PTPRR: variants seen among roughly 807,000 people sequenced by gnomAD.
PTPRR encodes the protein receptor-type tyrosine-protein phosphatase R.
A neutral mutation model predicts 77.2 loss-of-function variants in PTPRR; 38 were observed. That is an observed-to-expected ratio of 0.49 (90% CI 0.38 to 0.65). The LOEUF (loss-of-function observed/expected upper bound fraction) is 0.65, where lower values mean the gene tolerates loss of function less well. PTPRR is among the 30% of genes least tolerant of loss of function. PTPRR has a pLI of 0.00. For synonymous variants in PTPRR, 299 were observed against 283.1 expected, an observed-to-expected ratio of 1.06 and a Z score of -0.57; for missense variants, 744 against 799.2, an observed-to-expected ratio of 0.93 and a Z score of 0.83.
At chr12:70,715,384 A>C (rs1472489324) in intron 6 of PTPRR, among the ~76,000 whole-genome samples, 2 of 152,222 alleles carry the variant, frequency 1.3e-5, no homozygotes, top group African/African-American at 4.8e-5. Context: ...GGGCAAAGTT[A>C]AAATTGCTAA....
intron 3 of PTPRR, among the ~76,000 whole-genome samples, chr12:70,764,036 C>T (rs1465233008): frequency 6.7e-6 from 1 of 149,686 alleles, no homozygotes; most frequent in Non-Finnish European, 1.5e-5. Context: ...TTACTTTACC[C>T]ACTCAGATGC....
intron 2 of PTPRR, among the ~76,000 whole-genome samples, chr12:70,790,595 T>G (rs1891405204): frequency 6.6e-6 from 1 of 152,120 alleles, no homozygotes; most frequent in African/African-American, 2.4e-5. Flanking sequence ...ATGCATCCAA[T>G]TGCATCCTTG....
At chr12:70,726,077 A>C (rs1408482392) in intron 6 of PTPRR, among the ~76,000 whole-genome samples, 1 of 151,242 alleles carries the variant, frequency 6.6e-6, no homozygotes, top group East Asian at 1.9e-4. Flanking sequence ...ATCCAAGCTA[A>C]AACCCAGTAA....
intron 2 of PTPRR, among the ~76,000 whole-genome samples, chr12:70,839,560 T>C (rs1892360826): frequency 6.6e-6 from 1 of 152,206 alleles, no homozygotes; most frequent in South Asian, 2.1e-4. Flanking sequence ...TAATTAAAGT[T>C]AAGGAGGATA....
At chr12:70,752,064 C>CAT (rs1029194541) in intron 5 of PTPRR, among the ~76,000 whole-genome samples, 58 of 152,240 alleles carry the variant, frequency 3.8e-4, no homozygotes, top group African/African-American at 1.3e-3. Context: ...TCCTGAATGT[C>CAT]ATATAGTTGG....
intron 2 of PTPRR, among the ~76,000 whole-genome samples, chr12:70,880,638 T>A (rs1168341772): frequency 1.3e-5 from 2 of 152,196 alleles, no homozygotes; most frequent in Non-Finnish European, 2.9e-5. Context: ...CCCTATTGTA[T>A]CCCTAGAGTC....
intron 1 of PTPRR, among the ~76,000 whole-genome samples, chr12:70,903,324 C>A (rs1211022808): frequency 6.6e-6 from 1 of 151,182 alleles, no homozygotes; most frequent in Non-Finnish European, 1.5e-5. Context: ...ATCATTTTAC[C>A]CTGTATATCT....
intron 2 of PTPRR, among the ~76,000 whole-genome samples, chr12:70,778,767 T>C (rs1592752221): frequency 6.6e-6 from 1 of 152,250 alleles, no homozygotes. Context: ...AGACAAGACA[T>C]GGACTGTCTT....
At chr12:70,744,948 T>C (rs755403519) in intron 6 of PTPRR, among the ~76,000 whole-genome samples, 26 of 152,228 alleles carry the variant, frequency 1.7e-4, no homozygotes, top group Non-Finnish European at 2.8e-4. Flanking sequence ...CTCATTTATG[T>C]ATTTTGCAAA....
In PTPRR at chr12:70,745,917, A is replaced by G; in HGVS notation, c.908T>C (p.Val303Ala). Residue 303 changes from valine to alanine, a missense_variant, in exon 6 of 14, where the codon GTG becomes GCG. This residue lies in a region of PTPRR where 570 missense variants were observed against 573.2 expected (regional missense o/e 0.99). Coordinates refer to ENST00000283228, the MANE Select transcript of PTPRR (RefSeq NM_002849.4). ...AGGAGCACCTCGGCCTTGAGGGTCCACGACAACATTCAGTACCTTTGGGGC... is the reference window on the plus strand; with the variant it reads ...AGGAGCACCTCGGCCTTGAGGGTCCGCGACAACATTCAGTACCTTTGGGGC... ...EQAPKVLNVV[V>A]DPQGRGAPEI... The G allele has an allele frequency of 6.2e-7, 1 of 1,614,134 alleles. No individual in the cohort carries two copies. Among genetic ancestry groups the G allele is most frequent in the Non-Finnish European group, 8.5e-7 (1 of 1,180,010 alleles).
In PTPRR at chr12:70,782,690, G is replaced by A. The variant is rs1255113674; in HGVS notation, c.358-17912C>T. ...ACATCACACACCGGGGCCGTTGTGG[G>A]GTGGGGGGAGTGGGGAGGGATAGCA... On this transcript the variant is annotated intron_variant, in intron 2 of 13. Coordinates refer to ENST00000283228, the MANE Select transcript of PTPRR (RefSeq NM_002849.4). 3.3e-5 allele frequency among the ~76,000 whole-genome samples: 5 copies of A among 152,026 alleles called. No individual in the cohort carries two copies. The East Asian group carries it at 9.7e-4, about 29-fold the overall frequency.
intron 6 of PTPRR, among the ~76,000 whole-genome samples, chr12:70,740,317 G>A (rs1012794730): frequency 2.6e-5 from 4 of 151,854 alleles, no homozygotes; most frequent in African/African-American, 9.7e-5. Context: ...GAATCAATAT[G>A]ATTTGGCGAT....
chr12:70,651,659 G>A (rs1052843872), intron 13 of PTPRR, among the ~76,000 whole-genome samples: 9 of 152,148 alleles, frequency 5.9e-5, no homozygotes, highest in African/African-American at 9.7e-5. Context: ...GGGTGGCCTC[G>A]AACTCCTGGG....
chr12:70,794,369 G>C (rs189721852), intron 2 of PTPRR, among the ~76,000 whole-genome samples: 152 of 152,238 alleles, frequency 1.0e-3, no homozygotes, highest in African/African-American at 3.3e-3. Flanking sequence ...TTACATGAAT[G>C]ACTAAAGAAC....
At chr12:70,891,949 G>T (rs186671565) in intron 2 of PTPRR, among the ~76,000 whole-genome samples, 1 of 152,102 alleles carries the variant, frequency 6.6e-6, no homozygotes, top group East Asian at 1.9e-4. Flanking sequence ...TTTCAATGTG[G>T]ATCCTTCTAT....
chr12:70,898,376 TTTTA>T (rs1221717327), intron 1 of PTPRR, among the ~76,000 whole-genome samples: 2 of 109,812 alleles, frequency 1.8e-5, no homozygotes, highest in African/African-American at 6.4e-5. Context: ...AGACACCTCA[TTTTA>T]TTTTAGTTGT....
intron 12 of PTPRR, among the ~76,000 whole-genome samples, chr12:70,658,892 T>TG (rs1265967687): frequency 8.3e-5 from 11 of 132,842 alleles, no homozygotes; most frequent in African/African-American, 3.1e-4. Flanking sequence ...AGTTTTTTTT[T>TG]TTTTTTTTTT....
intron 6 of PTPRR, among the ~76,000 whole-genome samples, chr12:70,711,003 G>C (rs1437373872): frequency 1.3e-5 from 2 of 152,070 alleles, no homozygotes; most frequent in African/African-American, 4.8e-5. Flanking sequence ...ATTCCTTAAA[G>C]ACCTATAGAC....
intron 2 of PTPRR, among the ~76,000 whole-genome samples, chr12:70,856,395 G>T (rs1029516949): frequency 1.3e-5 from 2 of 152,136 alleles, no homozygotes; most frequent in African/African-American, 4.8e-5. Flanking sequence ...ATACACAAGG[G>T]CAAGTCAGAA....
Sources: allele counts gnomAD v4.1 joint callset (sites outside exome capture counted in the v4.1 genomes callset), GRCh38; gene constraint gnomAD v4.1.1; regional missense constraint gnomAD v4.1.1; transcripts MANE v1.5; gene names NCBI Gene and HGNC (gene_info 2026-07-23, HGNC 2026-07-21).